The following PTPRT variants were observed in gnomAD, a reference collection of about 807,000 sequenced individuals.
PTPRT encodes receptor-type tyrosine-protein phosphatase T.
A neutral mutation model predicts 176.8 loss-of-function variants in PTPRT; 56 were observed. The ratio of observed to expected loss-of-function variants is 0.32; its 90% CI spans 0.26 to 0.40. The LOEUF (loss-of-function observed/expected upper bound fraction) is 0.40, where lower values mean the gene tolerates loss of function less well. Ranked by LOEUF, PTPRT falls within the 10% of genes least tolerant of loss-of-function variation. PTPRT has a pLI of 1.00. For synonymous variants in PTPRT, 783 were observed against 739.0 expected (o/e 1.06, Z -0.96); for missense variants, 1,540 against 1,908.2 (o/e 0.81, Z 3.60).
chr20:42,499,019 A>T (rs2071702556), intron 7 of PTPRT, among the ~76,000 whole-genome samples: 1 of 152,134 alleles, frequency 6.6e-6, no homozygotes, highest in South Asian at 2.1e-4. Flanking sequence ...ACAGGCCATG[A>T]TTTTAACCTT....
At chr20:42,420,650 A>T (rs369550853) in intron 9 of PTPRT, among the ~76,000 whole-genome samples, 32 of 152,184 alleles carry the variant, frequency 2.1e-4, no homozygotes, top group African/African-American at 7.5e-4. Context: ...TGAGCCACTG[A>T]TGTAGTCCTC....
intron 1 of PTPRT, among the ~76,000 whole-genome samples, chr20:43,042,962 G>C (rs1986680942): frequency 6.6e-6 from 1 of 151,988 alleles, no homozygotes; most frequent in African/African-American, 2.4e-5. Context: ...TCAATTTTCA[G>C]TGCCAAGTAT....
chr20:42,088,642 A>G (rs1984278163), intron 27 of PTPRT, among the ~76,000 whole-genome samples: 1 of 152,242 alleles, frequency 6.6e-6, no homozygotes, highest in Non-Finnish European at 1.5e-5. Flanking sequence ...TTGCATATAA[A>G]GCTTTGCTGA....
chr20:42,309,038 C>T (rs933946941), intron 12 of PTPRT, among the ~76,000 whole-genome samples: 1 of 152,096 alleles, frequency 6.6e-6, no homozygotes, highest in African/African-American at 2.4e-5. Flanking sequence ...CTGCTACTTC[C>T]CACTTCTCTT....
intron 1 of PTPRT, among the ~76,000 whole-genome samples, chr20:42,951,522 C>G (rs1981251143): frequency 6.6e-6 from 1 of 152,130 alleles, no homozygotes; most frequent in Non-Finnish European, 1.5e-5. Flanking sequence ...TACCATGTAC[C>G]AGGCAAGATG....
intron 1 of PTPRT, among the ~76,000 whole-genome samples, chr20:42,988,622 A>T (rs1983728813): frequency 6.6e-6 from 1 of 152,194 alleles, no homozygotes; most frequent in Admixed American, 6.5e-5. Context: ...CTCACACAGG[A>T]CCAGCAGAGC....
At chr20:42,087,437 C>A (rs910353682) in intron 27 of PTPRT, among the ~76,000 whole-genome samples, 1 of 150,998 alleles carries the variant, frequency 6.6e-6, no homozygotes, top group Non-Finnish European at 1.5e-5. Context: ...TTAGTAGAGA[C>A]AGAGCCTCAC....
At position 42,791,448 on chromosome 20, in the gene PTPRT, T is replaced by C. The variant is rs2145551052; in HGVS notation, c.233A>G (p.Asn78Ser). The C allele has an allele frequency of 6.2e-7, 1 of 1,612,078 alleles. No homozygotes were observed. Among genetic ancestry groups the C allele is most frequent in the Non-Finnish European group, 8.5e-7 (1 of 1,178,948 alleles). ...CTGGCCAGAGGCTCTCCCAGAGCTG[T>C]TCACCATCATGAAAGATCCTGGAGA... ...AVPTGSFMMV[N>S]SSGRASGQKA... Residue 78 changes from asparagine to serine, a missense_variant, in exon 3 of 31, where the codon AAC becomes AGC. Around this residue, in one of 11 missense-constraint regions of PTPRT, gnomAD observed 116 missense variants for 118.5 expected, o/e 0.98. Coordinates refer to ENST00000373187, the MANE Select transcript of PTPRT (RefSeq NM_007050.6).
At chr20:43,078,644 TCAAA>T (rs2011346843) in intron 1 of PTPRT, among the ~76,000 whole-genome samples, 1 of 152,122 alleles carries the variant, frequency 6.6e-6, no homozygotes, top group South Asian at 2.1e-4. Context: ...AAAATCTAAC[TCAAA>T]CAAACGCTTT....
chr20:42,303,164 C>T lies in PTPRT; in HGVS notation c.2139+12559G>A, dbSNP rs966830942. On this transcript the variant is annotated intron_variant, in intron 12 of 30. Transcript: ENST00000373187. ...TCATGCTTCCCTGCGCAGCTCTTAT[C>T]TGACCTTAATGATTCCTGCTCTGTA... is the stretch of plus-strand genomic sequence containing the variant. Among the ~76,000 whole-genome samples, 9 of 152,340 alleles carry T rather than the reference C, an allele frequency of 5.9e-5. No individual in the cohort carries two copies. The East Asian group carries it at 1.7e-3, about 29-fold the overall frequency.
intron 1 of PTPRT, among the ~76,000 whole-genome samples, chr20:43,110,323 C>T (rs986641142): frequency 2.6e-5 from 4 of 152,180 alleles, no homozygotes; most frequent in African/African-American, 4.8e-5. Flanking sequence ...CATAAGTTCC[C>T]GATGACCCAA....
intron 7 of PTPRT, among the ~76,000 whole-genome samples, chr20:42,671,623 G>C (rs1199935151): frequency 1.3e-5 from 2 of 152,142 alleles, no homozygotes; most frequent in Non-Finnish European, 2.9e-5. Flanking sequence ...TTCCTGTTTT[G>C]ATATAATTAT....
rs1208151530 is a variant in PTPRT at position 42,184,802 on chromosome 20, T to TC, written c.2491+14437_2491+14438insG. Reference sequence around the variant, plus strand: ...ACCACCACACCCGGCTAATTTTTTTTTTTTTGTATTTTTACCAGAGATGGG... The same window carrying TC: ...ACCACCACACCCGGCTAATTTTTTTTCTTTTTGTATTTTTACCAGAGATGGG... On this transcript the variant is annotated intron_variant, in intron 16 of 30. Coordinates refer to ENST00000373187, the MANE Select transcript of PTPRT (RefSeq NM_007050.6). Among the ~76,000 whole-genome samples the TC allele has an allele frequency of 2.8e-3, 412 of 149,158 alleles. 2 individuals are homozygous for TC. Among genetic ancestry groups the TC allele is most frequent in the African/African-American group, 9.3e-3 (377 of 40,526 alleles).
intron 7 of PTPRT, among the ~76,000 whole-genome samples, chr20:42,558,521 T>C (rs927657924): frequency 6.6e-6 from 1 of 152,136 alleles, no homozygotes; most frequent in Non-Finnish European, 1.5e-5. Context: ...TTTCTGTTTT[T>C]AGGTCTTTGA....
rs777761268 is a variant in PTPRT, at chr20:42,577,923, C to CTGTG, written c.1153+99939_1153+99942dup. Reference sequence around the variant, plus strand: ...GAAAAACCTTCAGACCTGAGCGAGGCTGTGTGTGTGTGTGTGTGTGTGTGT... The same window carrying CTGTG: ...GAAAAACCTTCAGACCTGAGCGAGGCTGTGTGTGTGTGTGTGTGTGTGTGTGTGT... On this transcript the variant is annotated intron_variant, in intron 7 of 30. Coordinates refer to ENST00000373187, the MANE Select transcript of PTPRT (RefSeq NM_007050.6). 8.6e-3 allele frequency among the ~76,000 whole-genome samples: 960 copies of CTGTG among 111,296 alleles called. 16 individuals are homozygous for CTGTG. The highest frequency in any genetic ancestry group is 0.011 in the Non-Finnish European group (614 of 56,836). The allele number at this position is 111,296 out of a possible 152,430, so 73.0% of individuals were successfully genotyped here. A position where few individuals can be genotyped will look rare whatever the true frequency, so the allele number is the denominator to read the frequency against.
chr20:42,137,054 T>A (rs1387482003), intron 18 of PTPRT, among the ~76,000 whole-genome samples: 1 of 152,160 alleles, frequency 6.6e-6, no homozygotes, highest in Non-Finnish European at 1.5e-5. Context: ...AAGGCTCTAG[T>A]GGCCAGAAAA....
chr20:42,409,900 AGT>A (rs2058997230), intron 9 of PTPRT, among the ~76,000 whole-genome samples: 1 of 152,238 alleles, frequency 6.6e-6, no homozygotes, highest in Non-Finnish European at 1.5e-5. Flanking sequence ...GCAGTCTCTG[AGT>A]ACAACTCAGT....
chr20:42,624,753 T>C (rs2074260359), intron 7 of PTPRT, among the ~76,000 whole-genome samples: 1 of 152,234 alleles, frequency 6.6e-6, no homozygotes. Context: ...TCATTAGGGA[T>C]ACATGCATAA....
chr20:42,929,672 C>T (rs1979711997), intron 1 of PTPRT, among the ~76,000 whole-genome samples: 1 of 152,188 alleles, frequency 6.6e-6, no homozygotes, highest in Non-Finnish European at 1.5e-5. Flanking sequence ...TTTGAACAAA[C>T]CTGGCCTCAT....
Sources: gnomAD v4.1 joint callset for allele counts (sites outside exome capture counted in the v4.1 genomes callset) on GRCh38, gnomAD v4.1.1 for gene constraint, gnomAD v4.1.1 regional missense constraint, MANE v1.5 for transcripts, NCBI Gene and HGNC (gene_info 2026-07-23, HGNC 2026-07-21) for gene names.